Variants in SIK2 observed in about 807,000 individuals in gnomAD.
SIK2 encodes the protein serine/threonine-protein kinase SIK2.
A neutral mutation model predicts 103.2 loss-of-function variants in SIK2; 29 were observed. That is an observed-to-expected ratio of 0.28 (90% confidence interval 0.21 to 0.38). The LOEUF (loss-of-function observed/expected upper bound fraction) is 0.38, where lower values mean the gene tolerates loss of function less well. SIK2 is among the 10% of genes least tolerant of loss of function. The probability of loss-of-function intolerance (pLI) is 1.00; values close to 1 mark genes in which losing one functional copy is unlikely to be tolerated. For missense variants in SIK2, 879 were observed against 1,171.0 expected, an observed-to-expected ratio of 0.75 and a Z score of 3.64; for synonymous variants, 412 against 446.1, an observed-to-expected ratio of 0.92 and a Z score of 0.96.
chr11:111,674,150 A>G (rs1382545039), intron 3 of SIK2, among the ~76,000 whole-genome samples: 2 of 151,946 alleles, frequency 1.3e-5, no homozygotes, highest in Admixed American at 6.6e-5. Context: ...ACAAAGACTA[A>G]GGTGATGGCC....
chr11:111,697,889 G>A (rs1054234416), intron 4 of SIK2, among the ~76,000 whole-genome samples: 2 of 152,022 alleles, frequency 1.3e-5, no homozygotes, highest in Non-Finnish European at 2.9e-5. Flanking sequence ...GTGAGTCTAT[G>A]GTCCCAGCTG....
At chr11:111,613,305 C>T (rs1363863062) in intron 1 of SIK2, among the ~76,000 whole-genome samples, 4 of 151,956 alleles carry the variant, frequency 2.6e-5, no homozygotes, top group Admixed American at 6.6e-5. Flanking sequence ...AAACCATAAT[C>T]CCTTCTTTCC....
At chr11:111,625,283 A>G (rs527770310) in intron 3 of SIK2, among the ~76,000 whole-genome samples, 1 of 152,204 alleles carries the variant, frequency 6.6e-6, no homozygotes, top group Non-Finnish European at 1.5e-5. Context: ...CAGGGAAACC[A>G]GGTAGGAAGC....
chr11:111,730,719 T>C lies in SIK2; in HGVS notation c.*6590T>C, dbSNP rs1436660682. 6.6e-6 allele frequency: 1 copy of C among 152,086 alleles called. No homozygotes were observed. The highest frequency in any genetic ancestry group is 1.5e-5 in the Non-Finnish European group (1 of 68,028). 9.4% of individuals were successfully genotyped at this position (152,086 alleles called of 1,614,324 possible). ...TAACTTGTCACTTAATGTTAGAAAA[T>C]TGCCTAAAATGCAGTGTAATAAATA... On this transcript the variant is annotated 3_prime_UTR_variant, in exon 15 of 15. Transcript: ENST00000304987.
In SIK2 at chr11:111,695,162, A is replaced by G. The variant is rs1057345170; in HGVS notation, c.479-5724A>G. Among the ~76,000 whole-genome samples the G allele has an allele frequency of 6.6e-5, 10 of 152,266 alleles. 1 individual carries two copies. In the South Asian group the frequency reaches 2.1e-3, roughly 32 times the overall value. On this transcript the variant is annotated intron_variant, in intron 4 of 14. Coordinates refer to ENST00000304987, the MANE Select transcript of SIK2 (RefSeq NM_015191.3). ...CCTCATAATTGTCTTCTTCACTCCT[A>G]TTATAATTACAAAGGATGTGTAACT...
rs558200004 is a variant in SIK2, at chr11:111,614,039, C to G, written c.136-2204C>G. Among the ~76,000 whole-genome samples, 169 of 151,356 alleles carry G rather than the reference C, an allele frequency of 1.1e-3. 1 individual carries two copies. The highest frequency in any genetic ancestry group is 3.9e-3 in the African/African-American group (161 of 41,306). ...CAAGGCAGAGGTTAGGGGAACTGACCCCCCTCGGGGGTCAGTTGAAAGTAT... is the reference window on the plus strand; with the variant it reads ...CAAGGCAGAGGTTAGGGGAACTGACGCCCCTCGGGGGTCAGTTGAAAGTAT... On this transcript the variant is annotated intron_variant, in intron 1 of 14. Coordinates refer to ENST00000304987, the MANE Select transcript of SIK2 (RefSeq NM_015191.3).
chr11:111,684,547 A>G (rs913364640), intron 3 of SIK2, among the ~76,000 whole-genome samples: 24 of 152,184 alleles, frequency 1.6e-4, no homozygotes, highest in Admixed American at 1.4e-3. Context: ...CTTAGGAGAG[A>G]TATTATTAAC....
At chr11:111,639,619 G>C (rs1388537429) in intron 3 of SIK2, among the ~76,000 whole-genome samples, 1 of 152,146 alleles carries the variant, frequency 6.6e-6, no homozygotes, top group Non-Finnish European at 1.5e-5. Flanking sequence ...CTTTAGATGT[G>C]TACCTCATTT....
At chr11:111,645,428 G>C (rs1445807916) in intron 3 of SIK2, among the ~76,000 whole-genome samples, 1 of 152,170 alleles carries the variant, frequency 6.6e-6, no homozygotes, top group East Asian at 1.9e-4. Context: ...TATTGTTGAG[G>C]GAAGGAAAGC....
intron 3 of SIK2, among the ~76,000 whole-genome samples, chr11:111,648,266 C>G (rs1328194508): frequency 2.1e-5 from 3 of 143,678 alleles, no homozygotes; most frequent in Non-Finnish European, 4.8e-5. Context: ...TCTTGAGCTG[C>G]TATAACAAAA....
chr11:111,723,436 A>G, intron 14 of SIK2, 60 bp from the exon 15 acceptor site: 2 of 1,513,146 alleles, frequency 1.3e-6, no homozygotes, highest in East Asian at 4.5e-5. Context: ...TTGCATTTAC[A>G]TTAAAATTGC....
At chr11:111,687,019 G>A (rs1177468782) in intron 3 of SIK2, among the ~76,000 whole-genome samples, 2 of 152,124 alleles carry the variant, frequency 1.3e-5, no homozygotes. Flanking sequence ...TGTGTGACAA[G>A]ATGTCAGAGA....
chr11:111,653,583 G>C (rs1259935141), intron 3 of SIK2, among the ~76,000 whole-genome samples: 1 of 152,230 alleles, frequency 6.6e-6, no homozygotes, highest in African/African-American at 2.4e-5. Flanking sequence ...ATGAAGGCTT[G>C]TCTTCCTCAC....
chr11:111,602,602 G>T lies in SIK2; in HGVS notation c.39G>T (p.Gly13=), dbSNP rs1312507231. The change falls in exon 1 of 15, where the codon GGG becomes GGT. Residue 13 remains glycine, a synonymous_variant. Transcript: ENST00000304987. The surrounding 1 kb of genome is among the most constrained non-coding windows in gnomAD (Gnocchi z 4.5). Reference sequence around the variant, plus strand: ...ATGGCCCGAGGCACTTGCAGCGCGGGCCGGTCCGGGTGGGGTTCTACGACA... The same window carrying T: ...ATGGCCCGAGGCACTTGCAGCGCGGTCCGGTCCGGGTGGGGTTCTACGACA... ...MADGPRHLQR[G]PVRVGFYDIE... 1.3e-6 allele frequency: 2 copies of T among 1,533,820 alleles called. No homozygotes were observed. The highest frequency in any genetic ancestry group is 1.4e-5 in the African/African-American group (1 of 70,304).
chr11:111,617,839 TG>T (rs1252994867), intron 2 of SIK2, among the ~76,000 whole-genome samples: 1 of 148,812 alleles, frequency 6.7e-6, no homozygotes, highest in Non-Finnish European at 1.5e-5. Context: ...TGTTTGTGTA[TG>T]TGTGTGTGTG....
At position 111,687,915 on chromosome 11, in the gene SIK2, C is replaced by A. The variant is rs879085249; in HGVS notation, c.317-86C>A. ...CCACTGCTCCTGGCCAGAAAAAAAA[C>A]TTTTTGAGGAAAAAAATTTCCTGAC... On this transcript the variant is annotated intron_variant, in intron 3 of 14. Coordinates refer to ENST00000304987, the MANE Select transcript of SIK2 (RefSeq NM_015191.3). The A allele has an allele frequency of 6.3e-5, 94 of 1,502,352 alleles. 2 individuals are homozygous for A. In the South Asian group the frequency reaches 1.1e-3, roughly 17 times the overall value. The allele number at this position is 1,502,352 out of a possible 1,614,324, so 93.1% of individuals were successfully genotyped here.
intron 3 of SIK2, chr11:111,671,874 G>C (rs1321032420): frequency 2.4e-6 from 1 of 415,228 alleles, no homozygotes; most frequent in Non-Finnish European, 4.7e-6. Flanking sequence ...TCCTCAAGCT[G>C]CCCCTGCGTA....
rs149703761 is a variant in SIK2, at chr11:111,602,583, C to G, written c.20C>G (p.Pro7Arg). The change falls in exon 1 of 15, where the codon CCG (proline) becomes CGG (arginine). Residue 7 changes from proline (P) to arginine (R), a missense_variant. Around this residue, in one of 7 missense-constraint regions of SIK2, gnomAD observed 47 missense variants for 43.9 expected, o/e 1.07. Transcript: ENST00000304987. This position sits in a 1 kb window ranked among gnomAD's most constrained non-coding sequence, Gnocchi z 4.5. MVMADG[P>R]RHLQRGPVRV... ...CCCAGCATGGTCATGGCGGATGGCC[C>G]GAGGCACTTGCAGCGCGGGCCGGTC... 9 of 1,529,832 alleles carry G rather than the reference C, an allele frequency of 5.9e-6. No individual in the cohort carries two copies. The African/African-American group carries it at 8.6e-5, about 15-fold the overall frequency. 94.8% of individuals were successfully genotyped at this position (1,529,832 alleles called of 1,614,324 possible). A position where few individuals can be genotyped will look rare whatever the true frequency, so the allele number is the denominator to read the frequency against.
chr11:111,635,910 T>A (rs1444714170), intron 3 of SIK2, among the ~76,000 whole-genome samples: 1 of 152,270 alleles, frequency 6.6e-6, no homozygotes, highest in Non-Finnish European at 1.5e-5. Context: ...TCAGCTATTC[T>A]GATCTTGGCC....
Sources: gnomAD v4.1 joint callset for allele counts (sites outside exome capture counted in the v4.1 genomes callset) on GRCh38, gnomAD v4.1.1 for gene constraint, gnomAD v4.1.1 regional missense constraint, Gnocchi (gnomAD v3.1) non-coding constraint, MANE v1.5 for transcripts, NCBI Gene and HGNC (gene_info 2026-07-23, HGNC 2026-07-21) for gene names.